The following NSG1 variants were observed in gnomAD, a reference collection of about 807,000 sequenced individuals.
NSG1 encodes neuronal vesicle trafficking associated 1, also known as neuronal vesicle trafficking-associated protein 1.
Under a neutral mutation model 19.3 loss-of-function variants are expected in NSG1, and 9 were observed. That is an observed-to-expected ratio of 0.47 (90% confidence interval 0.28 to 0.81). The LOEUF (loss-of-function observed/expected upper bound fraction) is 0.81. Among genes scored for constraint, NSG1 ranks in the 40% least tolerant of loss-of-function variants. NSG1 has a pLI of 0.11. For synonymous variants in NSG1, 104 were observed against 107.0 expected (o/e 0.97, Z 0.17); for missense variants, 236 against 242.4 (o/e 0.97, Z 0.18).
At chr4:4,391,109 C>A (rs781180061) in intron 2 of NSG1, among the ~76,000 whole-genome samples, 1 of 152,196 alleles carries the variant, frequency 6.6e-6, no homozygotes. Context: ...GTGCAGCCTC[C>A]CAGCTTCCTG....
chr4:4,391,234 T>TA (rs1359749107), intron 2 of NSG1, among the ~76,000 whole-genome samples: 1 of 152,202 alleles, frequency 6.6e-6, no homozygotes, highest in Non-Finnish European at 1.5e-5. Context: ...CCAATGAGCT[T>TA]AACTTCTGTG....
intron 3 of NSG1, among the ~76,000 whole-genome samples, chr4:4,406,944 G>A (rs760094405): frequency 7.9e-5 from 12 of 152,206 alleles, no homozygotes; most frequent in Admixed American, 5.2e-4. Flanking sequence ...TCTTTCTCCG[G>A]CCAGCTCTGC....
chr4:4,390,426 C>T lies in NSG1; in HGVS notation c.130-1049C>T, dbSNP rs556409681. 1.4e-4 allele frequency among the ~76,000 whole-genome samples: 21 copies of T among 152,350 alleles called. No homozygotes were observed. In the South Asian group the frequency reaches 3.1e-3, roughly 23 times the overall value. ...AGGCTGGCTTTGGGGGTCGTAGCACCGGATGAGAGGCCCTCTGGCTGCCCG... is the reference window on the plus strand; with the variant it reads ...AGGCTGGCTTTGGGGGTCGTAGCACTGGATGAGAGGCCCTCTGGCTGCCCG... On this transcript the variant is annotated intron_variant, in intron 2 of 4. Coordinates refer to ENST00000621129, the MANE Select transcript of NSG1 (RefSeq NM_014392.5).
At chr4:4,388,223 G>A (rs1004770757) in intron 2 of NSG1, among the ~76,000 whole-genome samples, 4 of 152,210 alleles carry the variant, frequency 2.6e-5, no homozygotes, top group Non-Finnish European at 5.9e-5. Flanking sequence ...CCTCCCCAGG[G>A]CTGAATTGTT....
chr4:4,404,187 G>A (rs190140519), intron 3 of NSG1, among the ~76,000 whole-genome samples: 2 of 152,328 alleles, frequency 1.3e-5, no homozygotes, highest in African/African-American at 4.8e-5. Flanking sequence ...CCTGTTGGCC[G>A]ACTTGGAGGT....
upstream of NSG1, chr4:4,386,877 G>A (rs1275354975): frequency 3.9e-5 from 6 of 152,078 alleles, no homozygotes; most frequent in African/African-American, 1.4e-4. Context: ...CCGGCTCAGG[G>A]CGGGCGCGTG....
chr4:4,392,126 G>C (rs1009680670), intron 3 of NSG1, among the ~76,000 whole-genome samples: 4 of 151,846 alleles, frequency 2.6e-5, no homozygotes, highest in Non-Finnish European at 5.9e-5. Context: ...ATCTGCAGGG[G>C]GTCTGGCTTT....
At chr4:4,402,951 T>G (rs1233297667) in intron 3 of NSG1, among the ~76,000 whole-genome samples, 1 of 152,192 alleles carries the variant, frequency 6.6e-6, no homozygotes, top group African/African-American at 2.4e-5. Flanking sequence ...ATCATTTGCT[T>G]AATAAAACCA....
chr4:4,387,561 C>CCGGGGGTGGGGTG, intron 1 of NSG1, 43 bp from the exon 2 acceptor site: 1 of 1,141,992 alleles, frequency 8.8e-7, no homozygotes, highest in Non-Finnish European at 1.2e-6. Context: ...CGCCCCGCCC[C>CCGGGGGTGGGGTG]GGGTCTTGCT....
At chr4:4,389,854 C>G (rs914600214) in intron 2 of NSG1, among the ~76,000 whole-genome samples, 5 of 152,196 alleles carry the variant, frequency 3.3e-5, no homozygotes, top group Admixed American at 2.0e-4. Context: ...GACACTTATT[C>G]TGCACCAGGA....
chr4:4,414,958 AAACAAC>A lies in NSG1; in HGVS notation c.358-2269_358-2264del, dbSNP rs529571480. Among the ~76,000 whole-genome samples, 305 of 150,510 alleles carry A rather than the reference AAACAAC, an allele frequency of 2.0e-3. 1 individual carries two copies. Among genetic ancestry groups the A allele is most frequent in the Middle Eastern group, 0.014 (4 of 292 alleles). The stretch of plus-strand genomic sequence containing the variant: ...GGTTTCTACCTCTGCCTTTAAAAAA[AAACAAC>A]AACAACATGAAATTACTACATGTTT... On this transcript the variant is annotated intron_variant, in intron 4 of 4. Coordinates refer to ENST00000621129, the MANE Select transcript of NSG1 (RefSeq NM_014392.5).
chr4:4,414,080 TCAC>T (rs1724381369), intron 4 of NSG1, among the ~76,000 whole-genome samples: 1 of 151,984 alleles, frequency 6.6e-6, no homozygotes, highest in South Asian at 2.1e-4. Context: ...GCCAGTGGCT[TCAC>T]CAGCTGCCCT....
At chr4:4,415,947 G>A in intron 4 of NSG1, 1 of 619,332 alleles carries the variant, frequency 1.6e-6, no homozygotes, top group South Asian at 1.9e-5. Flanking sequence ...TGTTTGTTCT[G>A]TAGCGTGTCA....
Position 4,387,501 on chromosome 4 carries a change from G to T in NSG1, c.-26-103G>T, listed in dbSNP as rs560729611. On this transcript the variant is annotated intron_variant, in intron 1 of 4. Transcript: ENST00000621129. ...CTCCCCGAGACGAAGCGGGGCCGGG[G>T]AGCTCGCGGACGCCGGGACGCCGGT... 28 of 737,262 alleles carry T rather than the reference G, an allele frequency of 3.8e-5. No individual in the cohort carries two copies. The African/African-American group carries it at 4.9e-4, about 13-fold the overall frequency. The allele number at this position is 737,262 out of a possible 1,614,324, so 45.7% of individuals were successfully genotyped here.
chr4:4,401,041 C>T (rs995172203), intron 3 of NSG1, among the ~76,000 whole-genome samples: 1 of 152,182 alleles, frequency 6.6e-6, no homozygotes, highest in Admixed American at 6.5e-5. Flanking sequence ...CTCCAGTGCA[C>T]TATCCCTTAA....
rs771666530 is a variant in NSG1 at position 4,387,758 on chromosome 4, G to T, written c.129G>T (p.Lys43Asn). 1.9e-6 allele frequency: 3 copies of T among 1,605,232 alleles called. No individual in the cohort carries two copies. Among genetic ancestry groups the T allele is most frequent in the African/African-American group, 1.3e-5 (1 of 74,818 alleles). ...VNQLQFPPPDKVVVKTKTEYE... is the reference protein window; with the variant it reads ...VNQLQFPPPDNVVVKTKTEYE... ...AGCTGCAGTTCCCGCCCCCGGATAA[G>T]GTAAGCCCCCCCACGCCCCTCCACG... The change falls in exon 2 of 5, where the codon AAG becomes AAT. Residue 43 changes from lysine to asparagine, a missense_variant and splice_region_variant. Physicochemically the swap from Lys to Asn is moderately conservative, Grantham distance 94. Transcript: ENST00000621129.
intron 2 of NSG1, among the ~76,000 whole-genome samples, chr4:4,388,267 G>T (rs1722838431): frequency 1.3e-5 from 2 of 152,210 alleles, no homozygotes; most frequent in Non-Finnish European, 1.5e-5. Context: ...CCAGGCTGGC[G>T]CTAGGTGCAG....
chr4:4,389,261 C>T (rs894742327), intron 2 of NSG1, among the ~76,000 whole-genome samples: 2 of 152,214 alleles, frequency 1.3e-5, no homozygotes, highest in Non-Finnish European at 2.9e-5. Flanking sequence ...GGTATGAAAT[C>T]CTCACCAACT....
intron 4 of NSG1, among the ~76,000 whole-genome samples, chr4:4,410,719 G>A (rs1328544911): frequency 6.6e-6 from 1 of 152,220 alleles, no homozygotes; most frequent in Non-Finnish European, 1.5e-5. Flanking sequence ...AGTGGGTGGT[G>A]AGTGAATGCG....
Sources: gnomAD v4.1 joint callset for allele counts (sites outside exome capture counted in the v4.1 genomes callset) on GRCh38, gnomAD v4.1.1 for gene constraint, MANE v1.5 for transcripts, NCBI Gene and HGNC (gene_info 2026-07-23, HGNC 2026-07-21) for gene names.